The following DYNC1I1 variants were observed in gnomAD, a reference collection of about 807,000 sequenced individuals.
DYNC1I1 encodes cytoplasmic dynein 1 intermediate chain 1.
A neutral mutation model predicts 86.6 loss-of-function variants in DYNC1I1; 43 were observed. The ratio of observed to expected loss-of-function variants is 0.50; its 90% CI spans 0.39 to 0.64. The LOEUF (loss-of-function observed/expected upper bound fraction) is 0.64, where lower values mean the gene tolerates loss of function less well. Ranked by LOEUF, DYNC1I1 falls within the 30% of genes least tolerant of loss-of-function variation. The probability of loss-of-function intolerance (pLI) is 0.00; values close to 1 mark genes in which losing one functional copy is unlikely to be tolerated. For missense variants in DYNC1I1, 604 were observed against 788.8 expected (o/e 0.77, Z 2.81); for synonymous variants, 262 against 283.7 (o/e 0.92, Z 0.77).
chr7:96,073,753 G>C (rs1266841455), intron 14 of DYNC1I1, among the ~76,000 whole-genome samples: 1 of 152,122 alleles, frequency 6.6e-6, no homozygotes, highest in African/African-American at 2.4e-5. Flanking sequence ...TAGTGGGCTG[G>C]CTAGCTATAA....
intron 1 of DYNC1I1, among the ~76,000 whole-genome samples, chr7:95,792,633 GC>G (rs1445922221): frequency 1.3e-5 from 2 of 152,190 alleles, no homozygotes; most frequent in Admixed American, 1.3e-4. Flanking sequence ...TCCTTATGAA[GC>G]CTCCCATACC....
intron 6 of DYNC1I1, among the ~76,000 whole-genome samples, chr7:95,893,595 C>T (rs1024585677): frequency 4.6e-5 from 7 of 152,174 alleles, no homozygotes; most frequent in African/African-American, 9.7e-5. Flanking sequence ...GTGCCTTACT[C>T]CTGTTCCTAT....
chr7:95,932,945 A>G (rs1032435692), intron 6 of DYNC1I1, among the ~76,000 whole-genome samples: 6 of 151,250 alleles, frequency 4.0e-5, no homozygotes, highest in African/African-American at 1.5e-4. Context: ...CAGTGGCACA[A>G]TCATAGCTCA....
intron 9 of DYNC1I1, among the ~76,000 whole-genome samples, chr7:95,987,572 C>T (rs989633639): frequency 1.7e-4 from 26 of 152,148 alleles, no homozygotes; most frequent in African/African-American, 5.8e-4. Context: ...CTGACTTCTC[C>T]AGGATTTCTT....
At chr7:95,857,722 A>G (rs146524728) in intron 5 of DYNC1I1, among the ~76,000 whole-genome samples, 2,007 of 152,308 alleles carry the variant, frequency 0.013, 21 homozygotes, top group Middle Eastern at 0.041. Context: ...GGGAGGTTTC[A>G]TCCGTATTGA....
intron 6 of DYNC1I1, among the ~76,000 whole-genome samples, chr7:95,970,497 G>A (rs1455745146): frequency 2.0e-5 from 3 of 152,154 alleles, no homozygotes; most frequent in Non-Finnish European, 4.4e-5. Context: ...GGGGAAGAGA[G>A]AAGTGTGGCT....
intron 14 of DYNC1I1, among the ~76,000 whole-genome samples, chr7:96,047,925 C>A (rs1789266101): frequency 6.6e-6 from 1 of 151,968 alleles, no homozygotes; most frequent in Non-Finnish European, 1.5e-5. Context: ...TTTCAAGTGA[C>A]CATGTCAGGT....
Position 96,087,624 on chromosome 7 carries a change from A to C in DYNC1I1, c.1776+7136A>C, listed in dbSNP as rs1000190272. On this transcript the variant is annotated intron_variant, in intron 16 of 16. Transcript: ENST00000447467. ...TTGAAAAAGAAAAGACTTAGGCGTA[A>C]ATTCTTCCAGTGATACCAAACATCC... Among the ~76,000 whole-genome samples, 6 of 152,218 alleles carry C rather than the reference A, an allele frequency of 3.9e-5. No homozygotes were observed. In the South Asian group the frequency reaches 1.2e-3, roughly 32 times the overall value.
chr7:95,957,794 G>A (rs1792758010), intron 6 of DYNC1I1, among the ~76,000 whole-genome samples: 1 of 152,180 alleles, frequency 6.6e-6, no homozygotes, highest in East Asian at 1.9e-4. Context: ...TGAAAGGGGT[G>A]AAGAGCTCCA....
At chr7:95,832,982 C>A (rs1788957095) in intron 5 of DYNC1I1, among the ~76,000 whole-genome samples, 1 of 150,930 alleles carries the variant, frequency 6.6e-6, no homozygotes, top group Non-Finnish European at 1.5e-5. Context: ...AATTAGATCC[C>A]ATTTGTCAAT....
chr7:95,848,871 A>G (rs1396743523), intron 5 of DYNC1I1, among the ~76,000 whole-genome samples: 1 of 152,094 alleles, frequency 6.6e-6, no homozygotes, highest in Admixed American at 6.5e-5. Context: ...CCTTTTCTCC[A>G]CAATCTTGCC....
intron 5 of DYNC1I1, among the ~76,000 whole-genome samples, chr7:95,851,821 C>T (rs1316326335): frequency 4.6e-5 from 7 of 152,156 alleles, no homozygotes; most frequent in Admixed American, 1.3e-4. Flanking sequence ...TGTGCCACCA[C>T]GCCTGGCTAA....
chr7:95,909,494 C>G (rs1791272341), intron 6 of DYNC1I1, among the ~76,000 whole-genome samples: 1 of 151,994 alleles, frequency 6.6e-6, no homozygotes, highest in Non-Finnish European at 1.5e-5. Context: ...TGGGCATGCT[C>G]ACACTCTGCT....
At chr7:95,796,936 T>C (rs1794452457) in intron 1 of DYNC1I1, among the ~76,000 whole-genome samples, 1 of 152,298 alleles carries the variant, frequency 6.6e-6, no homozygotes, top group African/African-American at 2.4e-5. Context: ...TGGGTAAAAC[T>C]GCTGGTATTC....
At chr7:96,019,964 G>A (rs1202148776) in intron 10 of DYNC1I1, among the ~76,000 whole-genome samples, 1 of 151,708 alleles carries the variant, frequency 6.6e-6, no homozygotes, top group Non-Finnish European at 1.5e-5. Flanking sequence ...TCTTCCAACA[G>A]CCCCAGGGAA....
chr7:96,053,734 C>T (rs1341317614), intron 14 of DYNC1I1, among the ~76,000 whole-genome samples: 2 of 146,330 alleles, frequency 1.4e-5, no homozygotes, highest in South Asian at 2.1e-4. Context: ...CAATTTAGTG[C>T]ATACTTACAC....
At chr7:95,813,598 T>C (rs1794882184) in intron 4 of DYNC1I1, among the ~76,000 whole-genome samples, 1 of 152,112 alleles carries the variant, frequency 6.6e-6, no homozygotes, top group Admixed American at 6.6e-5. Flanking sequence ...CACACACATA[T>C]CCATTAGCTT....
At chr7:95,851,433 G>A (rs2600568) in intron 5 of DYNC1I1, among the ~76,000 whole-genome samples, 149,451 of 152,270 alleles carry the variant, frequency 0.98, 73,405 homozygotes, top group Middle Eastern at 1. Flanking sequence ...CTGGAATTTT[G>A]TGTTTAATAT....
chr7:95,821,867 T>C (rs1251944706), intron 4 of DYNC1I1, among the ~76,000 whole-genome samples: 2 of 152,222 alleles, frequency 1.3e-5, no homozygotes, highest in African/African-American at 2.4e-5. Context: ...CTTAGCCACA[T>C]TGAGTGTTAG....
Sources: allele counts gnomAD v4.1 joint callset (sites outside exome capture counted in the v4.1 genomes callset), GRCh38; gene constraint gnomAD v4.1.1; transcripts MANE v1.5; gene names NCBI Gene and HGNC (gene_info 2026-07-23, HGNC 2026-07-21).